The following LRRC58 variants were observed in gnomAD, a reference collection of about 807,000 sequenced individuals.
LRRC58 encodes leucine rich repeat containing 58.
In LRRC58, 18 loss-of-function variants were observed where a neutral mutation model predicts 30.6. That is an observed-to-expected ratio of 0.59 (90% confidence interval 0.41 to 0.87). LRRC58 has a LOEUF of 0.87. LRRC58 is among the 40% of genes least tolerant of loss of function. The pLI is 0.00. For synonymous variants in LRRC58, 221 were observed against 206.0 expected (o/e 1.07, Z -0.62); for missense variants, 420 against 468.4 (o/e 0.90, Z 0.95).
In LRRC58 at chr3:120,330,590, A is replaced by G. The variant is rs757229023; in HGVS notation, c.*610T>C. The G allele has an allele frequency of 6.6e-6, 1 of 152,250 alleles. No individual in the cohort carries two copies. Among genetic ancestry groups the G allele is most frequent in the Non-Finnish European group, 1.5e-5 (1 of 68,094 alleles). The allele number at this position is 152,250 out of a possible 1,614,324, so 9.4% of individuals were successfully genotyped here. ...AAAGGATAATAATGAAAAAGTTTTA[A>G]TATCTCATGTAAATGTTATATGCCT... is the stretch of plus-strand genomic sequence containing the variant. On this transcript the variant is annotated 3_prime_UTR_variant, in exon 4 of 4. Transcript: ENST00000295628.
At chr3:120,347,374 ATAT>A (rs1935981461) in intron 1 of LRRC58, among the ~76,000 whole-genome samples, 1 of 68,576 alleles carries the variant, frequency 1.5e-5, no homozygotes, top group Admixed American at 1.6e-4. Flanking sequence ...TCCCAGGCCA[ATAT>A]TCTTTTTTTT....
chr3:120,341,657 C>A (rs781533934), intron 1 of LRRC58, among the ~76,000 whole-genome samples: 209 of 152,214 alleles, frequency 1.4e-3, no homozygotes, highest in Non-Finnish European at 2.5e-3. Flanking sequence ...TCTAGGATTC[C>A]CAAGGCAACT....
rs1441395000 is a variant in LRRC58, at chr3:120,325,833, C to T, written c.*5367G>A. The T allele has an allele frequency of 6.6e-6, 1 of 152,114 alleles. No individual in the cohort carries two copies. Among genetic ancestry groups the T allele is most frequent in the African/African-American group, 2.4e-5 (1 of 41,418 alleles). 9.4% of individuals were successfully genotyped at this position (152,114 alleles called of 1,614,324 possible). The stretch of plus-strand genomic sequence containing the variant: ...ATTTTTTAAATAATATATAACAGAA[C>T]ATATCTTTTCAGTGATTTTATTTCA... On this transcript the variant is annotated 3_prime_UTR_variant, in exon 4 of 4. Coordinates refer to ENST00000295628, the MANE Select transcript of LRRC58 (RefSeq NM_001099678.2).
At chr3:120,343,027 T>G (rs992159229) in intron 1 of LRRC58, among the ~76,000 whole-genome samples, 1 of 152,232 alleles carries the variant, frequency 6.6e-6, no homozygotes, top group Non-Finnish European at 1.5e-5. Flanking sequence ...ATTTGCTACT[T>G]GATGTCTTCT....
intron 1 of LRRC58, among the ~76,000 whole-genome samples, chr3:120,344,083 A>AAAC (rs1053765241): frequency 6.6e-6 from 1 of 151,990 alleles, no homozygotes; most frequent in South Asian, 2.1e-4. Flanking sequence ...AAAAACCCCC[A>AAAC]AACAACAACA....
rs1935829979 is a variant in LRRC58, at chr3:120,335,952, A to G, written c.502T>C (p.Leu168=). 1 of 1,572,116 alleles carries G rather than the reference A, an allele frequency of 6.4e-7. No individual in the cohort carries two copies. The highest frequency in any genetic ancestry group is 8.7e-7 in the Non-Finnish European group (1 of 1,148,610). Residue 168 remains leucine, a splice_region_variant and synonymous_variant, in exon 2 of 4, where the codon TTA becomes CTA. Transcript: ENST00000295628. ...IPAEIENLQS[L]ECLYLGGNFI... Reference sequence around the variant, plus strand: ...TTTCCTCCAAGATATAAACACTCTAAACTGCAAAAATAAATGAACAAAACC... The same window carrying G: ...TTTCCTCCAAGATATAAACACTCTAGACTGCAAAAATAAATGAACAAAACC...
intron 1 of LRRC58, among the ~76,000 whole-genome samples, chr3:120,338,044 T>C (rs969932218): frequency 1.3e-4 from 20 of 152,286 alleles, no homozygotes; most frequent in Admixed American, 1.3e-4. Flanking sequence ...GGTTTCACCA[T>C]GTTAGCCAAG....
At chr3:120,334,096 A>G (rs1400708293) in intron 3 of LRRC58, among the ~76,000 whole-genome samples, 1 of 152,246 alleles carries the variant, frequency 6.6e-6, no homozygotes, top group East Asian at 1.9e-4. Context: ...TGGACTTAAA[A>G]GAATATAAAG....
Position 120,331,056 on chromosome 3 carries a change from A to G in LRRC58, c.*144T>C. 1 of 676,462 alleles carries G rather than the reference A, an allele frequency of 1.5e-6. No individual in the cohort carries two copies. Among genetic ancestry groups the G allele is most frequent in the South Asian group, 1.9e-5 (1 of 51,900 alleles). 41.9% of individuals were successfully genotyped at this position (676,462 alleles called of 1,614,324 possible). ...TCATTCTTGCTGAATGGGTAGATGA[A>G]ACACAAAATGTTTTATATCATCCCA... On this transcript the variant is annotated 3_prime_UTR_variant, in exon 4 of 4. Coordinates refer to ENST00000295628, the MANE Select transcript of LRRC58 (RefSeq NM_001099678.2).
At chr3:120,337,448 T>C (rs9874631) in intron 1 of LRRC58, among the ~76,000 whole-genome samples, 47,058 of 152,084 alleles carry the variant, frequency 0.31, 8,887 homozygotes, top group African/African-American at 0.52. Flanking sequence ...GTATCATTTA[T>C]CTATTTTTCT....
In LRRC58 at chr3:120,325,000, T is replaced by C. The variant is rs1292535850; in HGVS notation, c.*6200A>G. 2 of 152,334 alleles carry C rather than the reference T, an allele frequency of 1.3e-5. No homozygotes were observed. Among genetic ancestry groups the C allele is most frequent in the East Asian group, 1.9e-4 (1 of 5,186 alleles). The allele number at this position is 152,334 out of a possible 1,614,324, so 9.4% of individuals were successfully genotyped here. ...TTTTCAGTACCCTTCGTTAATACTT[T>C]GACATCCCAAACTTTACAAAAACTT... On this transcript the variant is annotated 3_prime_UTR_variant, in exon 4 of 4. Coordinates refer to ENST00000295628, the MANE Select transcript of LRRC58 (RefSeq NM_001099678.2).
rs1417997033 is a variant in LRRC58, at chr3:120,327,119, TAGTC to T, written c.*4077_*4080del. The stretch of plus-strand genomic sequence containing the variant: ...TTTGGTGATAAAGGTTTTTGGATGG[TAGTC>T]AGTAGGCCACTCAATAACTTAATTT... On this transcript the variant is annotated 3_prime_UTR_variant, in exon 4 of 4. Transcript: ENST00000295628. The T allele has an allele frequency of 6.6e-6, 1 of 151,992 alleles. No homozygotes were observed. The highest frequency in any genetic ancestry group is 6.6e-5 in the Admixed American group (1 of 15,266). 9.4% of individuals were successfully genotyped at this position (151,992 alleles called of 1,614,324 possible).
chr3:120,349,263 G>T lies in LRRC58; in HGVS notation c.-20C>A. 8 of 1,356,502 alleles carry T rather than the reference G, an allele frequency of 5.9e-6. No individual in the cohort carries two copies. Among genetic ancestry groups the T allele is most frequent in the Non-Finnish European group, 6.6e-6 (7 of 1,061,234 alleles). 84.0% of individuals were successfully genotyped at this position (1,356,502 alleles called of 1,614,324 possible). On this transcript the variant is annotated 5_prime_UTR_variant, in exon 1 of 4. Transcript: ENST00000295628. ...CTCCATCCTGGCCACCGCACGGCGCGTGGCGCCGGATTCCCCAGAGCGCCG... is the reference window on the plus strand; with the variant it reads ...CTCCATCCTGGCCACCGCACGGCGCTTGGCGCCGGATTCCCCAGAGCGCCG...
chr3:120,345,638 A>G (rs1935958462), intron 1 of LRRC58, among the ~76,000 whole-genome samples: 1 of 152,210 alleles, frequency 6.6e-6, no homozygotes, highest in Non-Finnish European at 1.5e-5. Context: ...CTGTAAATAG[A>G]AGGGGATGAA....
At chr3:120,334,364 C>T (rs543915767) in intron 3 of LRRC58, among the ~76,000 whole-genome samples, 125 of 151,978 alleles carry the variant, frequency 8.2e-4, no homozygotes, top group Non-Finnish European at 1.0e-3. Flanking sequence ...AAAAATTAGC[C>T]GGGTGTTGTG....
intron 1 of LRRC58, among the ~76,000 whole-genome samples, chr3:120,338,657 G>GA (rs1393512446): frequency 6.6e-6 from 1 of 152,212 alleles, no homozygotes; most frequent in African/African-American, 2.4e-5. Flanking sequence ...GGTGTGTTGT[G>GA]AAACAGCAAC....
chr3:120,327,394 G>A lies in LRRC58; in HGVS notation c.*3806C>T, dbSNP rs1935694804. 6.6e-6 allele frequency: 1 copy of A among 151,140 alleles called. No individual in the cohort carries two copies. The allele number at this position is 151,140 out of a possible 1,614,324, so 9.4% of individuals were successfully genotyped here. Reference sequence around the variant, plus strand: ...AGCCTCCCGAGTAGCTGGGACTACAGGCGCCCGCCATCACGCCCGGCTAAT... The same window carrying A: ...AGCCTCCCGAGTAGCTGGGACTACAAGCGCCCGCCATCACGCCCGGCTAAT... On this transcript the variant is annotated 3_prime_UTR_variant, in exon 4 of 4. Transcript: ENST00000295628.
At chr3:120,339,850 GTTT>G (rs1935882419) in intron 1 of LRRC58, among the ~76,000 whole-genome samples, 1 of 151,908 alleles carries the variant, frequency 6.6e-6, no homozygotes, top group African/African-American at 2.4e-5. Flanking sequence ...GCTCTTAACA[GTTT>G]TTTAATTTTT....
In LRRC58 at chr3:120,325,167, TC is replaced by T. The variant is rs1935655856; in HGVS notation, c.*6032del. ...GTAAAGTGACTGTTTAGGTTAATAT[TC>T]TTTCTCAATATCACAACAATGTTAA... On this transcript the variant is annotated 3_prime_UTR_variant, in exon 4 of 4. Transcript: ENST00000295628. The T allele has an allele frequency of 6.6e-6, 1 of 152,208 alleles. No homozygotes were observed. The highest frequency in any genetic ancestry group is 3.2e-3 in the Middle Eastern group (1 of 316). The allele number at this position is 152,208 out of a possible 1,614,324, so 9.4% of individuals were successfully genotyped here.
Sources: allele counts gnomAD v4.1 joint callset (sites outside exome capture counted in the v4.1 genomes callset), GRCh38; gene constraint gnomAD v4.1.1; transcripts MANE v1.5; gene names NCBI Gene and HGNC (gene_info 2026-07-23, HGNC 2026-07-21).